MYO5A: variants seen among roughly 807,000 people sequenced by gnomAD.
The protein encoded by MYO5A is unconventional myosin-Va.
MYO5A carries 98 observed loss-of-function variants against 249.7 expected under a neutral mutation model. The ratio of observed to expected loss-of-function variants is 0.39; its 90% CI spans 0.33 to 0.46. The LOEUF (loss-of-function observed/expected upper bound fraction) is 0.46. MYO5A is among the 20% of genes least tolerant of loss of function. The pLI is 0.98. For missense variants in MYO5A, 1,696 were observed against 2,308.8 expected (o/e 0.73, Z 5.44); for synonymous variants, 778 against 810.6 (o/e 0.96, Z 0.68).
chr15:52,465,843 G>C (rs775394729), intron 1 of MYO5A, among the ~76,000 whole-genome samples: 2 of 152,002 alleles, frequency 1.3e-5, no homozygotes, highest in Non-Finnish European at 2.9e-5. Context: ...TATTATCCAT[G>C]ATAATATGTT....
chr15:52,453,282 A>G (rs912471271), intron 1 of MYO5A, among the ~76,000 whole-genome samples: 13 of 152,214 alleles, frequency 8.5e-5, no homozygotes, highest in African/African-American at 2.9e-4. Flanking sequence ...GACATTTTCA[A>G]TGTGCTGAAA....
At chr15:52,409,172 C>A (rs2043138274) in intron 6 of MYO5A, among the ~76,000 whole-genome samples, 1 of 152,022 alleles carries the variant, frequency 6.6e-6, no homozygotes, top group Non-Finnish European at 1.5e-5. Flanking sequence ...TGGGCTTTAC[C>A]ATTTTGTATT....
At chr15:52,524,217 A>C (rs1486071898) in intron 1 of MYO5A, among the ~76,000 whole-genome samples, 3 of 152,222 alleles carry the variant, frequency 2.0e-5, no homozygotes, top group Non-Finnish European at 4.4e-5. Flanking sequence ...AGGTAAAAAC[A>C]AAACAAAACA....
At chr15:52,355,431 A>G (rs536990033) in intron 25 of MYO5A, among the ~76,000 whole-genome samples, 39 of 152,352 alleles carry the variant, frequency 2.6e-4, no homozygotes, top group African/African-American at 9.1e-4. Flanking sequence ...CACTACTTTA[A>G]CAAAACGCTG....
At chr15:52,520,787 A>T (rs2077602429) in intron 1 of MYO5A, among the ~76,000 whole-genome samples, 1 of 152,212 alleles carries the variant, frequency 6.6e-6, no homozygotes, top group South Asian at 2.1e-4. Flanking sequence ...CCATAACTTG[A>T]AGTGATGAGT....
chr15:52,379,703 G>A lies in MYO5A; in HGVS notation c.2130C>T (p.Tyr710=), dbSNP rs1388851779. ...RWTYQEFFSR[Y]RVLMKQKDVL... ...CATCTTTCTGCTTCATTAGGACACG[G>A]TAGCGGCTGAAAAATTCTTGGTAAG... The change falls in exon 18 of 42, where the codon TAC becomes TAT. Residue 710 remains tyrosine, a synonymous_variant. Coordinates refer to ENST00000399233, the MANE Select transcript of MYO5A (RefSeq NM_001382347.1). 2 of 1,614,036 alleles carry A rather than the reference G, an allele frequency of 1.2e-6. No homozygotes were observed. Among genetic ancestry groups the A allele is most frequent in the Non-Finnish European group, 1.7e-6 (2 of 1,180,028 alleles).
intron 24 of MYO5A, among the ~76,000 whole-genome samples, chr15:52,363,940 T>A (rs1455026427): frequency 1.3e-5 from 2 of 152,122 alleles, no homozygotes; most frequent in Non-Finnish European, 2.9e-5. Context: ...ATTCAATATA[T>A]AAAACAAAGT....
chr15:52,383,695 C>G (rs957718746), intron 15 of MYO5A, among the ~76,000 whole-genome samples: 6 of 152,142 alleles, frequency 3.9e-5, no homozygotes, highest in African/African-American at 1.4e-4. Context: ...CTACACCAGG[C>G]ACAGGGTCCC....
chr15:52,528,795 C>G lies in MYO5A; in HGVS notation c.12G>C (p.Ser4=). MAA[S]ELYTKFARVW... Reference sequence around the variant, plus strand: ...GGTGCCTTACCTTTGTGTAGAGCTCCGACGCAGCCATGGCGGGCCCCGCGC... The same window carrying G: ...GGTGCCTTACCTTTGTGTAGAGCTCGGACGCAGCCATGGCGGGCCCCGCGC... The change falls in exon 1 of 42, where the codon TCG becomes TCC. Residue 4 remains serine (S), a synonymous_variant. Coordinates refer to ENST00000399233, the MANE Select transcript of MYO5A (RefSeq NM_001382347.1). 3 of 1,496,178 alleles carry G rather than the reference C, an allele frequency of 2.0e-6. No homozygotes were observed. The highest frequency in any genetic ancestry group is 2.7e-6 in the Non-Finnish European group (3 of 1,129,292). 92.7% of individuals were successfully genotyped at this position (1,496,178 alleles called of 1,614,324 possible). A position where few individuals can be genotyped will look rare whatever the true frequency, so the allele number is the denominator to read the frequency against.
rs539007641 is a variant in MYO5A, at chr15:52,388,174, A to G, written c.1669-262T>C. Among the ~76,000 whole-genome samples the G allele has an allele frequency of 2.0e-5, 3 of 152,322 alleles. No homozygotes were observed. In the South Asian group the frequency reaches 6.2e-4, roughly 32 times the overall value. On this transcript the variant is annotated intron_variant, in intron 13 of 41. Coordinates refer to ENST00000399233, the MANE Select transcript of MYO5A (RefSeq NM_001382347.1). ...AAAAGATCCTCTCAGTTAGTGGGTG[A>G]GCAGATTAGATCCTCTTCTCCCATG... is the stretch of plus-strand genomic sequence containing the variant.
At chr15:52,458,850 AT>A (rs1314755862) in intron 1 of MYO5A, among the ~76,000 whole-genome samples, 6 of 152,136 alleles carry the variant, frequency 3.9e-5, no homozygotes, top group African/African-American at 1.4e-4. Context: ...CAACTGTCAA[AT>A]TTTAAAATAT....
chr15:52,400,113 G>A (rs1050679952), intron 9 of MYO5A, among the ~76,000 whole-genome samples: 2 of 151,400 alleles, frequency 1.3e-5, no homozygotes, highest in Admixed American at 6.6e-5. Context: ...TTGTTCTTTT[G>A]GTTGTCCTAC....
At position 52,379,835 on chromosome 15, in the gene MYO5A, C is replaced by T. The variant is rs1380289478; in HGVS notation, c.2086G>A (p.Gly696Ser). 9 of 1,614,128 alleles carry T rather than the reference C, an allele frequency of 5.6e-6. No individual in the cohort carries two copies. Among genetic ancestry groups the T allele is most frequent in the Non-Finnish European group, 7.6e-6 (9 of 1,180,018 alleles). Reference sequence around the variant, plus strand: ...TGCCAGGCTCACCGTGAGGGGAAACCGGCCGCACTGATTCGGATGGTTTCC... The same window carrying T: ...TGCCAGGCTCACCGTGAGGGGAAACTGGCCGCACTGATTCGGATGGTTTCC... ...VLETIRISAA[G>S]FPSRWTYQEF... is the part of the protein sequence containing the mutation. Residue 696 changes from glycine to serine, a missense_variant, in exon 17 of 42, where the codon GGT becomes AGT. By Grantham distance (56) the Gly-to-Ser change is moderately conservative (BLOSUM62 0). This residue lies in a region of MYO5A where 277 missense variants were observed against 422.4 expected (regional missense o/e 0.66). Coordinates refer to ENST00000399233, the MANE Select transcript of MYO5A (RefSeq NM_001382347.1).
At chr15:52,470,947 C>T (rs1463907081) in intron 1 of MYO5A, among the ~76,000 whole-genome samples, 6 of 150,712 alleles carry the variant, frequency 4.0e-5, no homozygotes, top group South Asian at 2.1e-4. Flanking sequence ...TGCTTGAACC[C>T]GGGAGGCAGA....
In MYO5A at chr15:52,343,118, T is replaced by C. The variant is rs775422962; in HGVS notation, c.4039A>G (p.Arg1347Gly). 15 of 1,609,364 alleles carry C rather than the reference T, an allele frequency of 9.3e-6. No individual in the cohort carries two copies. The highest frequency in any genetic ancestry group is 1.3e-5 in the Non-Finnish European group (15 of 1,175,642). Residue 1347 changes from arginine to glycine, a missense_variant and splice_region_variant, in exon 31 of 42, where the codon AGG (arginine) becomes GGG (glycine). This residue lies in a region of MYO5A where 625 missense variants were observed against 908.1 expected (regional missense o/e 0.69). Coordinates refer to ENST00000399233, the MANE Select transcript of MYO5A (RefSeq NM_001382347.1). ...LVYEGLKQAN[R>G]LLESQLQSQK... The stretch of plus-strand genomic sequence containing the variant: ...CCATTTTGAGGAGACAAATATAACC[T>C]GTTGGCTTGTTTTAACCCTTCATAA...
chr15:52,409,608 G>C (rs140840242), intron 6 of MYO5A, among the ~76,000 whole-genome samples: 2 of 152,150 alleles, frequency 1.3e-5, no homozygotes, highest in Admixed American at 6.5e-5. Flanking sequence ...AGTGTCAAGG[G>C]TATTTGAACC....
intron 1 of MYO5A, among the ~76,000 whole-genome samples, chr15:52,478,700 A>G (rs1425573419): frequency 6.6e-6 from 1 of 152,236 alleles, no homozygotes; most frequent in East Asian, 1.9e-4. Context: ...ACTAAACACA[A>G]TGAAAAATAC....
chr15:52,369,047 C>T (rs576045139), intron 22 of MYO5A, among the ~76,000 whole-genome samples: 9 of 152,298 alleles, frequency 5.9e-5, no homozygotes, highest in Admixed American at 4.6e-4. Flanking sequence ...ATCAAAACAA[C>T]ATTATATAAA....
intron 1 of MYO5A, among the ~76,000 whole-genome samples, chr15:52,459,235 C>T (rs2076186275): frequency 7.5e-6 from 1 of 133,678 alleles, no homozygotes; most frequent in South Asian, 2.5e-4. Context: ...GGTCATAGGA[C>T]AATAGTGGTG....
Sources: gnomAD v4.1 joint callset for allele counts (sites outside exome capture counted in the v4.1 genomes callset) on GRCh38, gnomAD v4.1.1 for gene constraint, gnomAD v4.1.1 regional missense constraint, MANE v1.5 for transcripts, NCBI Gene and HGNC (gene_info 2026-07-23, HGNC 2026-07-21) for gene names.